The following MS4A7 variants were observed in gnomAD, a reference collection of about 807,000 sequenced individuals.
MS4A7 encodes membrane-spanning 4-domains subfamily A member 7.
A neutral mutation model predicts 23.5 loss-of-function variants in MS4A7; 21 were observed. That is an observed-to-expected ratio of 0.89 (90% CI 0.63 to 1.29). MS4A7 has a LOEUF of 1.29. MS4A7 is among the 50% of genes most tolerant of loss of function. MS4A7 has a pLI of 0.00. For missense variants in MS4A7, 263 were observed against 274.2 expected, an observed-to-expected ratio of 0.96 and a Z score of 0.29; for synonymous variants, 111 against 107.4, an observed-to-expected ratio of 1.03 and a Z score of -0.21.
chr11:60,380,353 G>A (rs1484572093), intron 1 of MS4A7, among the ~76,000 whole-genome samples: 1 of 152,238 alleles, frequency 6.6e-6, no homozygotes, highest in Admixed American at 6.5e-5. Flanking sequence ...ATGTGCATAG[G>A]AAACAAGAGT....
chr11:60,389,615 A>G lies in MS4A7; in HGVS notation c.546+19A>G, dbSNP rs761089272. 16 of 1,600,324 alleles carry G rather than the reference A, an allele frequency of 1.0e-5. No homozygotes were observed. Among genetic ancestry groups the G allele is most frequent in the Non-Finnish European group, 2.6e-6 (3 of 1,169,116 alleles). On this transcript the variant is annotated intron_variant, in intron 5 of 6. Transcript: ENST00000300184. ...TTTAACAGTGAGTAGTTTCAGACTG[A>G]ATATCCTGTCATGTGAAATCTCTGT...
chr11:60,392,960 A>G (rs1047305659), intron 6 of MS4A7, among the ~76,000 whole-genome samples, 174 bp downstream of exon 6: 2 of 152,172 alleles, frequency 1.3e-5, no homozygotes, highest in African/African-American at 4.8e-5. Flanking sequence ...TCTCTACTAA[A>G]AATATGAAAA....
intron 1 of MS4A7, among the ~76,000 whole-genome samples, chr11:60,380,392 C>T (rs2085416550): frequency 6.6e-6 from 1 of 152,188 alleles, no homozygotes; most frequent in Non-Finnish European, 1.5e-5. Context: ...AGTTAAGGAG[C>T]TAATTTGTTT....
chr11:60,389,301 G>A (rs1449576382), intron 4 of MS4A7, 89 bp from the exon 5 acceptor site: 1 of 1,052,202 alleles, frequency 9.5e-7, no homozygotes, highest in Non-Finnish European at 1.4e-6. Context: ...CAGACCCAAG[G>A]AAGCACCATT....
rs750018238 is a variant in MS4A7 at position 60,385,122 on chromosome 11, G to A, written c.182G>A (p.Ser61Asn). The A allele has an allele frequency of 1.2e-6, 2 of 1,613,994 alleles. No homozygotes were observed. The highest frequency in any genetic ancestry group is 3.3e-4 in the Middle Eastern group (2 of 6,062). The change falls in exon 3 of 7, where the codon AGT becomes AAT. Residue 61 changes from serine to asparagine, a missense_variant. Transcript: ENST00000300184. ...VQILCCLLIS[S>N]LGAILVFAPY... ...ATCCTGTGTTGCCTGTTGATTTCAA[G>A]TCTGGGGGCCATCTTGGTTTTTGCT...
chr11:60,387,981 G>A (rs148073874), intron 4 of MS4A7, among the ~76,000 whole-genome samples: 12 of 152,316 alleles, frequency 7.9e-5, no homozygotes, highest in African/African-American at 2.6e-4. Flanking sequence ...GGCTCTGTGC[G>A]AGGTTTCCAG....
At position 60,380,267 on chromosome 11, in the gene MS4A7, GA is replaced by G. The variant is rs370637209; in HGVS notation, c.-14+1605del. Among the ~76,000 whole-genome samples the G allele has an allele frequency of 3.5e-3, 535 of 152,308 alleles. 5 individuals carry two copies. Among genetic ancestry groups the G allele is most frequent in the African/African-American group, 0.012 (510 of 41,556 alleles). On this transcript the variant is annotated intron_variant, in intron 1 of 6. Coordinates refer to ENST00000300184, the MANE Select transcript of MS4A7 (RefSeq NM_021201.5). ...CATGGATAGAATGACTATTTCCGTA[GA>G]ATTGTGAATGTCTGTGAACATATAT...
intron 4 of MS4A7, among the ~76,000 whole-genome samples, chr11:60,388,573 C>T (rs1005563483): frequency 2.0e-5 from 3 of 152,192 alleles, no homozygotes; most frequent in Non-Finnish European, 4.4e-5. Flanking sequence ...GGCCCTGTAT[C>T]TTCTTGAGTC....
Position 60,383,250 on chromosome 11 carries a change from C to T in MS4A7, c.109C>T (p.Leu37=). The T allele has an allele frequency of 6.2e-7, 1 of 1,614,144 alleles. No individual in the cohort carries two copies. Among genetic ancestry groups the T allele is most frequent in the Non-Finnish European group, 8.5e-7 (1 of 1,180,002 alleles). Residue 37 remains leucine (L), a synonymous_variant, in exon 2 of 7, where the codon CTG becomes TTG. Transcript: ENST00000300184. ...PGHMYQNEDY[L]QNGLPTETTV... ...ACACATGTACCAAAACGAAGATTAC[C>T]TGCAGAACGGGCTGCCAACAGAAAC... is the stretch of plus-strand genomic sequence containing the variant.
In MS4A7 at chr11:60,395,722, T is replaced by A. The variant is rs1354639957; in HGVS notation, c.*1861T>A. 1 of 149,834 alleles carries A rather than the reference T, an allele frequency of 6.7e-6. No individual in the cohort carries two copies. The highest frequency in any genetic ancestry group is 1.9e-4 in the East Asian group (1 of 5,192). The allele number at this position is 149,834 out of a possible 1,614,324, so 9.3% of individuals were successfully genotyped here. On this transcript the variant is annotated 3_prime_UTR_variant, in exon 7 of 7. Transcript: ENST00000300184. ...GGTCCTATAGCATCTTTACTACTGA[T>A]TTTTTTTTGTTTAATTTGAAAATGC...
At position 60,393,973 on chromosome 11, in the gene MS4A7, A is replaced by C; in HGVS notation, c.*112A>C. The C allele has an allele frequency of 1.7e-6, 1 of 592,384 alleles. No homozygotes were observed. The highest frequency in any genetic ancestry group is 2.8e-6 in the Non-Finnish European group (1 of 357,232). The allele number at this position is 592,384 out of a possible 1,614,324, so 36.7% of individuals were successfully genotyped here. On this transcript the variant is annotated 3_prime_UTR_variant, in exon 7 of 7. Coordinates refer to ENST00000300184, the MANE Select transcript of MS4A7 (RefSeq NM_021201.5). The stretch of plus-strand genomic sequence containing the variant: ...GATACTGTGAAACAAACTAAAAAAA[A>C]AAAAGCTTTTGTTTTGTATTTGTTT...
chr11:60,378,792 T>C (rs2085398538), intron 1 of MS4A7, 128 bp downstream of exon 1: 1 of 152,220 alleles, frequency 6.6e-6, no homozygotes, highest in African/African-American at 2.4e-5. Flanking sequence ...GTCAGCTCAG[T>C]CCCCTTTTTG....
At chr11:60,393,343 C>T (rs776588723) in intron 6 of MS4A7, among the ~76,000 whole-genome samples, 2 of 152,110 alleles carry the variant, frequency 1.3e-5, no homozygotes, top group African/African-American at 2.4e-5. Context: ...AGAATGAGAA[C>T]GCGTATCCCC....
At chr11:60,387,300 G>A (rs2085502303) in intron 4 of MS4A7, among the ~76,000 whole-genome samples, 1 of 152,132 alleles carries the variant, frequency 6.6e-6, no homozygotes, top group African/African-American at 2.4e-5. Context: ...TATATCCTGG[G>A]AAACCCCTTA....
intron 1 of MS4A7, among the ~76,000 whole-genome samples, chr11:60,379,479 A>G (rs1178204005): frequency 6.6e-6 from 1 of 152,184 alleles, no homozygotes; most frequent in African/African-American, 2.4e-5. Context: ...GTAGTAAAAT[A>G]TGCTTAAAAT....
intron 4 of MS4A7, among the ~76,000 whole-genome samples, chr11:60,387,449 G>A (rs2085504301): frequency 6.6e-6 from 1 of 152,136 alleles, no homozygotes; most frequent in Non-Finnish European, 1.5e-5. Context: ...TATCAGGTGG[G>A]GAGGCATTCA....
intron 5 of MS4A7, among the ~76,000 whole-genome samples, chr11:60,392,450 G>A (rs1423489611): frequency 6.6e-6 from 1 of 152,078 alleles, no homozygotes; most frequent in Admixed American, 6.6e-5. Flanking sequence ...GAGATAAGTG[G>A]CAGATTACTC....
intron 2 of MS4A7, 59 bp downstream of exon 2, chr11:60,383,347 C>T (rs1335558981): frequency 6.4e-7 from 1 of 1,570,348 alleles, no homozygotes; most frequent in Non-Finnish European, 8.7e-7. Context: ...TGTATCTAGA[C>T]TACAGATCTA....
intron 1 of MS4A7, among the ~76,000 whole-genome samples, chr11:60,379,023 T>C (rs1290003920): frequency 6.6e-6 from 1 of 152,236 alleles, no homozygotes; most frequent in African/African-American, 2.4e-5. Flanking sequence ...TGGGCAGAGC[T>C]GTTGACCTCC....
Sources: gnomAD v4.1 joint callset for allele counts (sites outside exome capture counted in the v4.1 genomes callset) on GRCh38, gnomAD v4.1.1 for gene constraint, MANE v1.5 for transcripts, NCBI Gene and HGNC (gene_info 2026-07-23, HGNC 2026-07-21) for gene names.